SLC34A2: variants seen among roughly 807,000 people sequenced by gnomAD.
The protein encoded by SLC34A2 is solute carrier family 34 member 2, also known as sodium-dependent phosphate transport protein 2B.
SLC34A2 carries 41 observed loss-of-function variants against 50.8 expected under a neutral mutation model. The observed-to-expected ratio is 0.81, with a 90% CI of 0.63 to 1.05. The LOEUF (loss-of-function observed/expected upper bound fraction) is 1.05. SLC34A2 is among the 50% of genes least tolerant of loss of function. SLC34A2 has a pLI of 0.00. For missense variants in SLC34A2, 879 were observed against 876.7 expected (o/e 1.00, Z -0.03); for synonymous variants, 401 against 364.2 (o/e 1.10, Z -1.15).
At chr4:25,671,114 C>A (rs1180879056) in intron 8 of SLC34A2, among the ~76,000 whole-genome samples, 1 of 152,216 alleles carries the variant, frequency 6.6e-6, no homozygotes, top group Non-Finnish European at 1.5e-5. Context: ...AGGCTTAGCT[C>A]TGCCTGCCGC....
intron 5 of SLC34A2, 70 bp downstream of exon 5, chr4:25,666,341 CG>C (rs1381652828): frequency 8.3e-6 from 13 of 1,564,090 alleles, no homozygotes; most frequent in Non-Finnish European, 1.1e-5. Flanking sequence ...GTGGGAAGGA[CG>C]GGGGAGGAAT....
In SLC34A2 at chr4:25,673,217, G is replaced by T. The variant is rs1270635583; in HGVS notation, c.1179G>T (p.Gly393=). 5.6e-6 allele frequency: 9 copies of T among 1,614,032 alleles called. No individual in the cohort carries two copies. The Admixed American group carries it at 1.2e-4, about 21-fold the overall frequency. ...AGATCCTGGGCTCTGTGCTCAAGGG[G>T]CAGGTCGCCACTGTCATCAAGAAGA... The part of the protein sequence containing the change: ...IVKILGSVLK[G]QVATVIKKTI... The change falls in exon 10 of 13, where the codon GGG becomes GGT. Residue 393 remains glycine (G), a synonymous_variant. Transcript: ENST00000382051.
In SLC34A2 at chr4:25,677,388, T is replaced by C. The variant is rs1380016629; in HGVS notation, c.*639T>C. 1 of 153,216 alleles carries C rather than the reference T, an allele frequency of 6.5e-6. No homozygotes were observed. The highest frequency in any genetic ancestry group is 1.5e-5 in the Non-Finnish European group (1 of 68,764). The allele number at this position is 153,216 out of a possible 1,614,324, so 9.5% of individuals were successfully genotyped here. A position where few individuals can be genotyped will look rare whatever the true frequency, so the allele number is the denominator to read the frequency against. ...TAGTCCAGGCAGTTCACTTGCAGTT[T>C]CCTTGTCCTCATGCTTCGGGGATGG... On this transcript the variant is annotated 3_prime_UTR_variant, in exon 13 of 13. Transcript: ENST00000382051.
rs1292418842 is a variant in SLC34A2, at chr4:25,676,257, G to C, written c.1581G>C (p.Trp527Cys). 1 of 1,614,178 alleles carries C rather than the reference G, an allele frequency of 6.2e-7. No homozygotes were observed. Among genetic ancestry groups the C allele is most frequent in the Non-Finnish European group, 8.5e-7 (1 of 1,180,034 alleles). ...GCAACATCTCTGCCAAGTATCGCTGGTTCGCCGTCTTCTACCTGATCATCT... is the reference window on the plus strand; with the variant it reads ...GCAACATCTCTGCCAAGTATCGCTGCTTCGCCGTCTTCTACCTGATCATCT... ...GLGNISAKYR[W>C]FAVFYLIIFF... The change falls in exon 13 of 13, where the codon TGG becomes TGC. Residue 527 changes from tryptophan to cysteine, a missense_variant. Trp to Cys is a radical substitution (Grantham distance 215). Transcript: ENST00000382051.
At chr4:25,657,721 CCT>C (rs1463632513) in intron 1 of SLC34A2, among the ~76,000 whole-genome samples, 2 of 152,154 alleles carry the variant, frequency 1.3e-5, no homozygotes, top group African/African-American at 2.4e-5. Context: ...TTCCTTGACT[CCT>C]CTCATCACTA....
Position 25,676,515 on chromosome 4 carries a change from C to A in SLC34A2, c.1839C>A (p.Cys613Ter). The change falls in exon 13 of 13, where the codon TGC (cysteine) becomes TGA (stop). Residue 613 changes from cysteine (C) to a stop codon, truncating the protein, a stop_gained. Transcript: ENST00000382051. LOFTEE classifies it low-confidence loss of function (END_TRUNC). ...CCGTCGTCTCCAAGTTCACCGGCTG[C>A]TTCCAGATGCGCTGCTGCTGCTGCT... ...WDAVVSKFTG[C>*]FQMRCCCCCR... The A allele has an allele frequency of 1.2e-6, 2 of 1,614,060 alleles. No individual in the cohort carries two copies. Among genetic ancestry groups the A allele is most frequent in the Non-Finnish European group, 1.7e-6 (2 of 1,179,954 alleles).
At chr4:25,669,872 GA>G in intron 7 of SLC34A2, 30 bp downstream of exon 7, 1 of 1,581,918 alleles carries the variant, frequency 6.3e-7, no homozygotes, top group Admixed American at 1.7e-5. Context: ...GAGAGAAGGA[GA>G]CTAACTTCCT....
chr4:25,669,532 C>T (rs1577498622), intron 6 of SLC34A2, 115 bp from the exon 7 acceptor site: 12 of 920,618 alleles, frequency 1.3e-5, no homozygotes, highest in South Asian at 1.3e-5. Context: ...TACATGTGCA[C>T]ACTTCCATAG....
Position 25,669,670 on chromosome 4 carries a change from A to C in SLC34A2, c.659A>C (p.His220Pro), listed in dbSNP as rs1470096048. Residue 220 changes from histidine (H) to proline (P), a missense_variant, in exon 7 of 13, where the codon CAT (histidine) becomes CCT (proline). Coordinates refer to ENST00000382051, the MANE Select transcript of SLC34A2 (RefSeq NM_006424.3). Reference protein sequence around the residue: ...FRRAFAGATVHDFFNWLSVLV... With the variant: ...FRRAFAGATVPDFFNWLSVLV... ...AGAGCTTTTGCAGGAGCCACTGTCC[A>C]TGACTTCTTCAACTGGCTGTCCGTG... The C allele has an allele frequency of 3.1e-6, 5 of 1,613,958 alleles. No homozygotes were observed. The African/African-American group carries it at 6.7e-5, about 22-fold the overall frequency.
rs755318649 is a variant in SLC34A2 at position 25,669,697 on chromosome 4, T to C, written c.686T>C (p.Leu229Ser). 7 of 1,614,218 alleles carry C rather than the reference T, an allele frequency of 4.3e-6. No individual in the cohort carries two copies. The highest frequency in any genetic ancestry group is 5.9e-6 in the Non-Finnish European group (7 of 1,180,040). Residue 229 changes from leucine (L) to serine (S), a missense_variant, in exon 7 of 13, where the codon TTG (leucine) becomes TCG (serine). Physicochemically the swap from Leu to Ser is moderately radical, Grantham distance 145. Coordinates refer to ENST00000382051, the MANE Select transcript of SLC34A2 (RefSeq NM_006424.3). ...VHDFFNWLSV[L>S]VLLPVEVATH... ...GACTTCTTCAACTGGCTGTCCGTGT[T>C]GGTGCTCTTGCCCGTGGAGGTGGCC...
Position 25,667,756 on chromosome 4 carries a change from A to G in SLC34A2, c.524-124A>G, listed in dbSNP as rs1714576362. On this transcript the variant is annotated intron_variant, in intron 5 of 12. Coordinates refer to ENST00000382051, the MANE Select transcript of SLC34A2 (RefSeq NM_006424.3). ...GGTGCAGAGTGAGGTGCAAAAAAAA[A>G]GTTTAAGAATTCACTTGCATAGAGG... 9.9e-6 allele frequency: 7 copies of G among 709,000 alleles called. No homozygotes were observed. In the Admixed American group the frequency reaches 1.2e-4, roughly 12 times the overall value. The allele number at this position is 709,000 out of a possible 1,614,324, so 43.9% of individuals were successfully genotyped here.
chr4:25,658,815 T>C (rs770894711), intron 1 of SLC34A2, among the ~76,000 whole-genome samples: 7 of 152,116 alleles, frequency 4.6e-5, no homozygotes, highest in Non-Finnish European at 1.0e-4. Context: ...AAGGCAGTGG[T>C]TGCGCCAGGG....
In SLC34A2 at chr4:25,674,509, C is replaced by T. The variant is rs200795814; in HGVS notation, c.1338C>T (p.Ile446=). The T allele has an allele frequency of 3.3e-5, 53 of 1,614,200 alleles. No homozygotes were observed. The highest frequency in any genetic ancestry group is 2.7e-4 in the South Asian group (25 of 91,090). ...TGTGTTTTGTGTTTCCCCCAGGAAT[C>T]GGCGTGATAACCATTGAGAGGGCTT... ...FTSALTPLIG[I]GVITIERAYP... is the part of the protein sequence containing the mutation. The change falls in exon 12 of 13, where the codon ATC becomes ATT. Residue 446 remains isoleucine, a synonymous_variant. Coordinates refer to ENST00000382051, the MANE Select transcript of SLC34A2 (RefSeq NM_006424.3).
intron 5 of SLC34A2, among the ~76,000 whole-genome samples, chr4:25,666,692 G>A (rs750377755): frequency 2.6e-5 from 4 of 152,190 alleles, no homozygotes; most frequent in Non-Finnish European, 5.9e-5. Context: ...TAGAGACATA[G>A]AACATTTCCT....
At chr4:25,663,903 A>G (rs1054723566) in intron 3 of SLC34A2, among the ~76,000 whole-genome samples, 1 of 152,172 alleles carries the variant, frequency 6.6e-6, no homozygotes, top group Admixed American at 6.5e-5. Context: ...TCAGCTGAGC[A>G]TGGAGCCTGG....
Position 25,676,544 on chromosome 4 carries a change from G to A in SLC34A2, c.1868G>A (p.Arg623His), listed in dbSNP as rs1215136729. The A allele has an allele frequency of 1.2e-5, 20 of 1,613,400 alleles. No homozygotes were observed. Among genetic ancestry groups the A allele is most frequent in the Non-Finnish European group, 1.5e-5 (18 of 1,179,548 alleles). ...CFQMRCCCCC[R>H]VCCRACCLLC... is the part of the protein sequence containing the mutation. Reference sequence around the variant, plus strand: ...CAGATGCGCTGCTGCTGCTGCTGCCGCGTGTGCTGCCGCGCGTGCTGCTTG... The same window carrying A: ...CAGATGCGCTGCTGCTGCTGCTGCCACGTGTGCTGCCGCGCGTGCTGCTTG... Residue 623 changes from arginine (R) to histidine (H), a missense_variant, in exon 13 of 13, where the codon CGC becomes CAC. Arg to His is a conservative substitution (Grantham distance 29). Transcript: ENST00000382051.
Position 25,669,933 on chromosome 4 carries a change from C to G in SLC34A2, c.831+91C>G, listed in dbSNP as rs533044518. ...TGACAGATATAGAGTGTCTACAACACTATTCTGGGCCTGGCATGGTGGCTC... is the reference window on the plus strand; with the variant it reads ...TGACAGATATAGAGTGTCTACAACAGTATTCTGGGCCTGGCATGGTGGCTC... On this transcript the variant is annotated intron_variant, in intron 7 of 12. Coordinates refer to ENST00000382051, the MANE Select transcript of SLC34A2 (RefSeq NM_006424.3). The G allele has an allele frequency of 3.4e-6, 4 of 1,173,596 alleles. No homozygotes were observed. The African/African-American group carries it at 6.0e-5, about 18-fold the overall frequency. 72.7% of individuals were successfully genotyped at this position (1,173,596 alleles called of 1,614,324 possible).
At chr4:25,673,863 C>T (rs1714958068) in intron 10 of SLC34A2, among the ~76,000 whole-genome samples, 1 of 152,168 alleles carries the variant, frequency 6.6e-6, no homozygotes, top group South Asian at 2.1e-4. Flanking sequence ...TGATCCGGTG[C>T]TAGTTGGGTG....
rs188429345 is a variant in SLC34A2, at chr4:25,656,991, A to G, written c.-4+1101A>G. Among the ~76,000 whole-genome samples, 15 of 152,286 alleles carry G rather than the reference A, an allele frequency of 9.8e-5. No individual in the cohort carries two copies. The East Asian group carries it at 2.9e-3, about 29-fold the overall frequency. Reference sequence around the variant, plus strand: ...GGAGTGGCCGTTGTTTCAGATTGTTAAAGAAAAACAAAAATAAAAAAGATT... The same window carrying G: ...GGAGTGGCCGTTGTTTCAGATTGTTGAAGAAAAACAAAAATAAAAAAGATT... On this transcript the variant is annotated intron_variant, in intron 1 of 12. Coordinates refer to ENST00000382051, the MANE Select transcript of SLC34A2 (RefSeq NM_006424.3).
Sources: gnomAD v4.1 joint callset for allele counts (sites outside exome capture counted in the v4.1 genomes callset) on GRCh38, gnomAD v4.1.1 for gene constraint, MANE v1.5 for transcripts, NCBI Gene and HGNC (gene_info 2026-07-23, HGNC 2026-07-21) for gene names.